Variants in TCF7L1 observed in about 807,000 individuals in gnomAD.
TCF7L1 encodes transcription factor 7-like 1.
Under a neutral mutation model 63.7 loss-of-function variants are expected in TCF7L1, and 18 were observed. The observed-to-expected ratio is 0.28, with a 90% confidence interval of 0.20 to 0.42. The LOEUF (loss-of-function observed/expected upper bound fraction) is 0.42. Among genes scored for constraint, TCF7L1 ranks in the 10% least tolerant of loss-of-function variants. The pLI is 1.00. For missense variants in TCF7L1, 654 were observed against 779.3 expected, an observed-to-expected ratio of 0.84 and a Z score of 1.91; for synonymous variants, 355 against 340.9, an observed-to-expected ratio of 1.04 and a Z score of -0.46.
At chr2:85,151,344 C>G (rs1394836227) in intron 3 of TCF7L1, among the ~76,000 whole-genome samples, 2 of 152,148 alleles carry the variant, frequency 1.3e-5, no homozygotes, top group Non-Finnish European at 2.9e-5. Context: ...CACTGAAGTT[C>G]TTGAAAATTA....
At chr2:85,276,578 T>C (rs1055483628) in intron 3 of TCF7L1, among the ~76,000 whole-genome samples, 1 of 152,284 alleles carries the variant, frequency 6.6e-6, no homozygotes, top group East Asian at 1.9e-4. Context: ...GTCGTTTCTT[T>C]CCTGGACTAC....
Position 85,153,340 on chromosome 2 carries a change from A to ATTTTTTTTTTTTTTTTTTTTTTTTTTT in TCF7L1, c.441+18909_441+18910insTTTTTTTTTTTTTTTTTTTTTTTTTTT, listed in dbSNP as rs66697146. Among the ~76,000 whole-genome samples the ATTTTTTTTTTTTTTTTTTTTTTTTTTT allele has an allele frequency of 3.4e-4, 35 of 102,258 alleles. 3 individuals carry two copies. The highest frequency in any genetic ancestry group is 1.4e-3 in the African/African-American group (33 of 23,740). 67.1% of individuals were successfully genotyped at this position (102,258 alleles called of 152,430 possible). A position where few individuals can be genotyped will look rare whatever the true frequency, so the allele number is the denominator to read the frequency against. ...TTCATGATCTTGCTAGCCTTTATAAATTTTTTTTTTTTTTTTTTTGAGATG... is the reference window on the plus strand; with the variant it reads ...TTCATGATCTTGCTAGCCTTTATAAATTTTTTTTTTTTTTTTTTTTTTTTTTTTTTTTTTTTTTTTTTTTTTGAGATG... On this transcript the variant is annotated intron_variant, in intron 3 of 11. Coordinates refer to ENST00000282111, the MANE Select transcript of TCF7L1 (RefSeq NM_031283.3).
Position 85,134,026 on chromosome 2 carries a change from G to A in TCF7L1, c.260G>A (p.Arg87His), listed in dbSNP as rs771207715. The change falls in exon 2 of 12, where the codon CGC (arginine) becomes CAC (histidine). Residue 87 changes from arginine to histidine, a missense_variant. By Grantham distance (29) the Arg-to-His change is conservative. Transcript: ENST00000282111. The surrounding 1 kb of genome is among the most constrained non-coding windows in gnomAD (Gnocchi z 5.0). ...SSSSDSEAER[R>H]PQPVRDTFQK... The stretch of plus-strand genomic sequence containing the variant: ...GTGTCTCCTCCGCAGGCGGAGAGGC[G>A]CCCGCAGCCCGTCCGGGACACTTTC... 11 of 1,609,402 alleles carry A rather than the reference G, an allele frequency of 6.8e-6. No homozygotes were observed. The highest frequency in any genetic ancestry group is 9.3e-6 in the Non-Finnish European group (11 of 1,178,458).
At position 85,305,288 on chromosome 2, in the gene TCF7L1, A is replaced by G. The variant is rs199958101; in HGVS notation, c.874A>G (p.Met292Val). The G allele has an allele frequency of 2.9e-5, 47 of 1,613,882 alleles. No individual in the cohort carries two copies. Among genetic ancestry groups the G allele is most frequent in the Admixed American group, 5.0e-5 (3 of 60,012 alleles). Residue 292 changes from methionine (M) to valine (V), a missense_variant, in exon 8 of 12, where the codon ATG (methionine) becomes GTG (valine). Transcript: ENST00000282111. ...GGTCTCCAGTCGGTTCTCTCCTCAC[A>G]TGGTGGCTCCTGCCCACCCTGGCCT... is the stretch of plus-strand genomic sequence containing the variant. ...SLVSSRFSPH[M>V]VAPAHPGLPT...
chr2:85,176,577 T>C lies in TCF7L1; in HGVS notation c.441+42127T>C, dbSNP rs539241777. On this transcript the variant is annotated intron_variant, in intron 3 of 11. Transcript: ENST00000282111. ...CCAGGTAAGTAGTTCTCACATGGGC[T>C]ATGACCCCTCATCCTTCATTATCCT... Among the ~76,000 whole-genome samples, 9 of 152,350 alleles carry C rather than the reference T, an allele frequency of 5.9e-5. No individual in the cohort carries two copies. In the East Asian group the frequency reaches 1.5e-3, roughly 26 times the overall value.
intron 3 of TCF7L1, among the ~76,000 whole-genome samples, chr2:85,248,316 T>C (rs1680514440): frequency 6.6e-6 from 1 of 152,162 alleles, no homozygotes; most frequent in Admixed American, 6.5e-5. Flanking sequence ...TCTGAAGAGA[T>C]TGTGTAAACG....
intron 3 of TCF7L1, among the ~76,000 whole-genome samples, chr2:85,160,902 C>T (rs891342218): frequency 5.3e-5 from 8 of 150,554 alleles, no homozygotes; most frequent in Non-Finnish European, 8.8e-5. Context: ...AGATCATTTG[C>T]AATCATCAAT....
At chr2:85,214,125 C>A (rs904178166) in intron 3 of TCF7L1, among the ~76,000 whole-genome samples, 2 of 152,214 alleles carry the variant, frequency 1.3e-5, no homozygotes, top group Non-Finnish European at 2.9e-5. Context: ...CCTGTGTCAT[C>A]CTCCCCCTCC....
intron 3 of TCF7L1, among the ~76,000 whole-genome samples, chr2:85,270,013 A>G (rs950124178): frequency 6.6e-6 from 1 of 152,110 alleles, no homozygotes; most frequent in Non-Finnish European, 1.5e-5. Context: ...GACATTTCCC[A>G]TCTCCCGGTG....
Position 85,306,538 on chromosome 2 carries a change from C to A in TCF7L1, c.1236C>A (p.Thr412=). Reference sequence around the variant, plus strand: ...AGCTTCACTCGCAGCTCTACCCAACCTGGTCAGCCCGGGACAACTATGTAA... The same window carrying A: ...AGCTTCACTCGCAGCTCTACCCAACATGGTCAGCCCGGGACAACTATGTAA... ...ERQLHSQLYP[T]WSARDNYGKK... The change falls in exon 10 of 12, where the codon ACC becomes ACA. Residue 412 remains threonine, a synonymous_variant. Transcript: ENST00000282111. The surrounding 1 kb of genome is among the most constrained non-coding windows in gnomAD (Gnocchi z 4.3). 6.2e-7 allele frequency: 1 copy of A among 1,614,244 alleles called. No individual in the cohort carries two copies. The highest frequency in any genetic ancestry group is 1.3e-5 in the African/African-American group (1 of 75,064).
At chr2:85,239,944 T>TTAAAA (rs1680284541) in intron 3 of TCF7L1, among the ~76,000 whole-genome samples, 1 of 104,390 alleles carries the variant, frequency 9.6e-6, no homozygotes, top group African/African-American at 3.8e-5. Context: ...AGACTCCATC[T>TTAAAA]AAAAAAAAAA....
At chr2:85,191,111 G>A (rs938592590) in intron 3 of TCF7L1, among the ~76,000 whole-genome samples, 2 of 150,728 alleles carry the variant, frequency 1.3e-5, no homozygotes, top group African/African-American at 4.8e-5. Context: ...TTGGAGAAAC[G>A]CAGCACACAA....
chr2:85,274,014 C>T (rs533175940), intron 3 of TCF7L1, among the ~76,000 whole-genome samples: 2 of 152,242 alleles, frequency 1.3e-5, no homozygotes, highest in East Asian at 3.9e-4. Flanking sequence ...CACCTGAGGG[C>T]CTGAGGGGAG....
At chr2:85,137,488 A>G (rs1574074188) in intron 3 of TCF7L1, among the ~76,000 whole-genome samples, 1 of 152,224 alleles carries the variant, frequency 6.6e-6, no homozygotes, top group South Asian at 2.1e-4. Flanking sequence ...GAGAGGAATA[A>G]CTGCCACAAA....
At chr2:85,210,095 T>C (rs1258356039) in intron 3 of TCF7L1, among the ~76,000 whole-genome samples, 2 of 152,166 alleles carry the variant, frequency 1.3e-5, no homozygotes, top group South Asian at 2.1e-4. Context: ...CAGGTCAGTG[T>C]TGATTCAGCA....
At chr2:85,229,970 T>A (rs1220120477) in intron 3 of TCF7L1, among the ~76,000 whole-genome samples, 1 of 152,204 alleles carries the variant, frequency 6.6e-6, no homozygotes, top group African/African-American at 2.4e-5. Context: ...ATAGTGCCAG[T>A]AACACTCCAG....
chr2:85,205,519 T>A (rs1452688371), intron 3 of TCF7L1, among the ~76,000 whole-genome samples: 1 of 149,718 alleles, frequency 6.7e-6, no homozygotes, highest in Non-Finnish European at 1.5e-5. Context: ...CAAGCAGAAA[T>A]GCTTGTCAGC....
intron 3 of TCF7L1, among the ~76,000 whole-genome samples, chr2:85,275,054 T>C (rs940870947): frequency 1.3e-5 from 2 of 152,118 alleles, no homozygotes; most frequent in Non-Finnish European, 2.9e-5. Context: ...GTAAGTGGGG[T>C]TCAGCTAGGA....
At chr2:85,304,659 G>A (rs1189145275) in intron 7 of TCF7L1, among the ~76,000 whole-genome samples, 2 of 152,132 alleles carry the variant, frequency 1.3e-5, no homozygotes, top group Non-Finnish European at 2.9e-5. Flanking sequence ...TGATAAACCC[G>A]TCGTACATTG....
Sources: allele counts gnomAD v4.1 joint callset (sites outside exome capture counted in the v4.1 genomes callset), GRCh38; gene constraint gnomAD v4.1.1; non-coding constraint Gnocchi (gnomAD v3.1); transcripts MANE v1.5; gene names NCBI Gene and HGNC (gene_info 2026-07-23, HGNC 2026-07-21).